PPID: variants seen among roughly 807,000 people sequenced by gnomAD.
The protein encoded by PPID is peptidylprolyl isomerase D.
In PPID, 47 loss-of-function variants were observed where a neutral mutation model predicts 48.1. That is an observed-to-expected ratio of 0.98 (90% CI 0.77 to 1.25). The LOEUF is 1.25. PPID is among the 50% of genes most tolerant of loss of function. The probability of loss-of-function intolerance (pLI) is 0.00; values close to 1 mark genes in which losing one functional copy is unlikely to be tolerated. For missense variants in PPID, 429 were observed against 443.5 expected, an observed-to-expected ratio of 0.97 and a Z score of 0.29; for synonymous variants, 163 against 148.8, an observed-to-expected ratio of 1.10 and a Z score of -0.69.
At chr4:158,711,149 T>C (rs942471745) in intron 7 of PPID, among the ~76,000 whole-genome samples, 1 of 152,216 alleles carries the variant, frequency 6.6e-6, no homozygotes, top group African/African-American at 2.4e-5. Flanking sequence ...AACATTTGTA[T>C]ACACTTTTTA....
chr4:158,710,509 C>A (rs764411185), intron 9 of PPID, 119 bp downstream of exon 9: 15 of 1,062,904 alleles, frequency 1.4e-5, no homozygotes, highest in Non-Finnish European at 2.0e-5. Flanking sequence ...GGCCCAACAG[C>A]AGGCATTCTG....
chr4:158,715,718 T>C (rs746810019), intron 4 of PPID, 34 bp from the exon 5 acceptor site: 1 of 1,587,146 alleles, frequency 6.3e-7, no homozygotes, highest in Non-Finnish European at 8.7e-7. Context: ...AGAAGTGCAC[T>C]ATCGTAATAA....
In PPID at chr4:158,722,036, T is replaced by C. The variant is rs368397374; in HGVS notation, c.86-553A>G. Reference sequence around the variant, plus strand: ...CAATGAACATGGGAGTGCAGATACCTCTTTGACATACAAACTTCATTTCCT... The same window carrying C: ...CAATGAACATGGGAGTGCAGATACCCCTTTGACATACAAACTTCATTTCCT... On this transcript the variant is annotated intron_variant, in intron 1 of 9. Transcript: ENST00000307720. Among the ~76,000 whole-genome samples the C allele has an allele frequency of 7.2e-5, 11 of 152,346 alleles. No homozygotes were observed. The East Asian group carries it at 1.7e-3, about 24-fold the overall frequency.
chr4:158,714,492 A>G (rs1348033916), intron 6 of PPID, among the ~76,000 whole-genome samples: 1 of 152,220 alleles, frequency 6.6e-6, no homozygotes, highest in Non-Finnish European at 1.5e-5. Context: ...GAGGTAGGAA[A>G]CGTAAGAGAT....
chr4:158,711,494 T>A (rs568517565), intron 7 of PPID, among the ~76,000 whole-genome samples: 1 of 152,246 alleles, frequency 6.6e-6, no homozygotes, highest in South Asian at 2.1e-4. Context: ...CCCTAAGTGC[T>A]GGAATTACAG....
At position 158,715,579 on chromosome 4, in the gene PPID, C is replaced by T; in HGVS notation, c.628G>A (p.Asp210Asn). The part of the protein sequence containing the change: ...DSHPDFPEDA[D>N]IDLKDVDKIL... ...GTACTCACATCTTTTAAATCTATAT[C>T]CGCATCCTCAGGGAAATCTGGATGA... is the stretch of plus-strand genomic sequence containing the variant. Residue 210 changes from aspartate to asparagine, a missense_variant, in exon 5 of 10, where the codon GAT becomes AAT. Transcript: ENST00000307720. The T allele has an allele frequency of 2.5e-6, 4 of 1,613,942 alleles. No individual in the cohort carries two copies. Among genetic ancestry groups the T allele is most frequent in the Non-Finnish European group, 3.4e-6 (4 of 1,179,834 alleles).
intron 7 of PPID, 21 bp downstream of exon 7, chr4:158,713,098 T>C (rs750298994): frequency 1.2e-6 from 2 of 1,613,034 alleles, no homozygotes; most frequent in Non-Finnish European, 1.7e-6. Context: ...ATTCAAAAAG[T>C]TCAAAATCAA....
chr4:158,723,061 T>C, intron 1 of PPID, 143 bp downstream of exon 1: 2 of 792,580 alleles, frequency 2.5e-6, no homozygotes, highest in East Asian at 2.7e-5. Flanking sequence ...CCGGGCCTGC[T>C]CCGGCGGACC....
intron 3 of PPID, among the ~76,000 whole-genome samples, chr4:158,718,728 G>A (rs1774909574): frequency 6.6e-6 from 1 of 152,146 alleles, no homozygotes. Context: ...TTGGGACAAC[G>A]AAGACAAGAA....
intron 2 of PPID, among the ~76,000 whole-genome samples, chr4:158,720,777 T>C (rs1481490160): frequency 6.6e-6 from 1 of 152,104 alleles, no homozygotes; most frequent in South Asian, 2.1e-4. Context: ...TGCAGTGGCG[T>C]GATCTCGGCT....
chr4:158,714,615 G>A (rs1463268986), intron 6 of PPID, among the ~76,000 whole-genome samples: 1 of 148,438 alleles, frequency 6.7e-6, no homozygotes, highest in Non-Finnish European at 1.5e-5. Flanking sequence ...TTTTGAGACA[G>A]AATCTCACTC....
At chr4:158,718,766 G>A (rs767292394) in intron 3 of PPID, among the ~76,000 whole-genome samples, 3 of 152,192 alleles carry the variant, frequency 2.0e-5, no homozygotes, top group Non-Finnish European at 4.4e-5. Flanking sequence ...AGTCCTTTAG[G>A]AGCTTGGACA....
intron 5 of PPID, 51 bp downstream of exon 5, chr4:158,715,511 T>C (rs1371472405): frequency 1.3e-6 from 2 of 1,592,552 alleles, no homozygotes; most frequent in South Asian, 1.1e-5. Flanking sequence ...TAGTACTAAA[T>C]ATTTTCACTT....
chr4:158,719,046 C>A (rs1188157255), intron 3 of PPID, 134 bp downstream of exon 3: 2 of 587,858 alleles, frequency 3.4e-6, no homozygotes, highest in Non-Finnish European at 5.9e-6. Flanking sequence ...CCATTATTTA[C>A]AAAAGTGATT....
chr4:158,722,837 A>T (rs1774985756), intron 1 of PPID, among the ~76,000 whole-genome samples: 1 of 152,254 alleles, frequency 6.6e-6, no homozygotes, highest in South Asian at 2.1e-4. Flanking sequence ...GGGGCCCAGC[A>T]GACGCATATC....
chr4:158,723,268 T>G lies in PPID; in HGVS notation c.21A>C (p.Gln7His). The G allele has an allele frequency of 1.9e-6, 3 of 1,613,968 alleles. No individual in the cohort carries two copies. The highest frequency in any genetic ancestry group is 1.7e-6 in the Non-Finnish European group (2 of 1,179,982). MSHPSP[Q>H]AKPSNPSNPR... Reference sequence around the variant, plus strand: ...GGTTACTGGGGTTGGAGGGCTTGGCTTGGGGGGACGGGTGCGACATCTTGA... The same window carrying G: ...GGTTACTGGGGTTGGAGGGCTTGGCGTGGGGGGACGGGTGCGACATCTTGA... Residue 7 changes from glutamine (Q) to histidine (H), a missense_variant, in exon 1 of 10, where the codon CAA (glutamine) becomes CAC (histidine). Transcript: ENST00000307720.
intron 4 of PPID, among the ~76,000 whole-genome samples, chr4:158,716,559 T>TA (rs33958032): frequency 0.047 from 6,544 of 138,224 alleles, 346 homozygotes; most frequent in African/African-American, 0.13. Context: ...GTAGAAAAGT[T>TA]AAAAAAAAAA....
chr4:158,718,501 G>C (rs1049053173), intron 3 of PPID, among the ~76,000 whole-genome samples: 9 of 152,144 alleles, frequency 5.9e-5, no homozygotes, highest in African/African-American at 2.2e-4. Flanking sequence ...TCTGAGGTAG[G>C]ATTATAAATT....
chr4:158,720,581 A>G (rs1050031374), intron 2 of PPID, among the ~76,000 whole-genome samples: 2 of 152,230 alleles, frequency 1.3e-5, no homozygotes, highest in African/African-American at 2.4e-5. Context: ...GATTCATTAC[A>G]AAGTGTAATA....
Sources: allele counts gnomAD v4.1 joint callset (sites outside exome capture counted in the v4.1 genomes callset), GRCh38; gene constraint gnomAD v4.1.1; transcripts MANE v1.5; gene names NCBI Gene and HGNC (gene_info 2026-07-23, HGNC 2026-07-21).